Variants in GALNT9 observed in about 807,000 individuals in gnomAD.
GALNT9 encodes the protein polypeptide N-acetylgalactosaminyltransferase 9, also known as GalNAc transferase 9.
A neutral mutation model predicts 63.1 loss-of-function variants in GALNT9; 47 were observed. The ratio of observed to expected loss-of-function variants is 0.75; its 90% CI spans 0.59 to 0.95. GALNT9 has a LOEUF of 0.95. GALNT9 is among the 40% of genes least tolerant of loss of function. The pLI is 0.00. For missense variants in GALNT9, 829 were observed against 874.8 expected, an observed-to-expected ratio of 0.95 and a Z score of 0.66; for synonymous variants, 396 against 365.7, an observed-to-expected ratio of 1.08 and a Z score of -0.94.
rs1878706278 is a variant in GALNT9 at position 132,246,346 on chromosome 12, C to G, written c.1077+1564G>C. 1.3e-5 allele frequency among the ~76,000 whole-genome samples: 2 copies of G among 152,142 alleles called. No individual in the cohort carries two copies. Among genetic ancestry groups the G allele is most frequent in the South Asian group, 4.1e-4 (2 of 4,830 alleles). On this transcript the variant is annotated intron_variant, in intron 6 of 10. Coordinates refer to ENST00000328957, the MANE Select transcript of GALNT9 (RefSeq NM_001122636.2). This position sits in a 1 kb window ranked among gnomAD's most constrained non-coding sequence, Gnocchi z 4.7. ...CTGACATCCTTCACAGATCTGGTCTCAATTCAATTTATTAAACTAGATATT... is the reference window on the plus strand; with the variant it reads ...CTGACATCCTTCACAGATCTGGTCTGAATTCAATTTATTAAACTAGATATT...
At chr12:132,240,205 G>A (rs1004558412) in intron 6 of GALNT9, among the ~76,000 whole-genome samples, 2 of 152,172 alleles carry the variant, frequency 1.3e-5, no homozygotes, top group African/African-American at 4.8e-5. Flanking sequence ...CTAAATGGCG[G>A]GGTTGAGTGG....
chr12:132,197,057 C>T lies in GALNT9; in HGVS notation c.*50G>A. The T allele has an allele frequency of 1.2e-6, 2 of 1,602,058 alleles. No individual in the cohort carries two copies. The highest frequency in any genetic ancestry group is 2.2e-5 in the East Asian group (1 of 44,708). On this transcript the variant is annotated 3_prime_UTR_variant, in exon 11 of 11. Coordinates refer to ENST00000328957, the MANE Select transcript of GALNT9 (RefSeq NM_001122636.2). ...CACCCCGGTCACTCAGCCACACTGG[C>T]TCGGCCCAGCGCCTTCCCGAGGTCT...
chr12:132,296,221 CT>C lies in GALNT9; in HGVS notation c.239-9792del, dbSNP rs1881072908. 6.6e-6 allele frequency among the ~76,000 whole-genome samples: 1 copy of C among 152,280 alleles called. No homozygotes were observed. Among genetic ancestry groups the C allele is most frequent in the Admixed American group, 6.5e-5 (1 of 15,290 alleles). On this transcript the variant is annotated intron_variant, in intron 1 of 10. Coordinates refer to ENST00000328957, the MANE Select transcript of GALNT9 (RefSeq NM_001122636.2). This position sits in a 1 kb window ranked among gnomAD's most constrained non-coding sequence, Gnocchi z 4.2. ...AGGGAGAGTGTCCGTTTCTGTTGGTCTAAGCCACGCAGTCTGTGGTGATCTG... is the reference window on the plus strand; with the variant it reads ...AGGGAGAGTGTCCGTTTCTGTTGGTCAAGCCACGCAGTCTGTGGTGATCTG...
At chr12:132,210,763 A>G (rs1333684298) in intron 6 of GALNT9, among the ~76,000 whole-genome samples, 3 of 151,870 alleles carry the variant, frequency 2.0e-5, no homozygotes, top group Non-Finnish European at 4.4e-5. Flanking sequence ...CTTGCACCAA[A>G]AAAGGGCTTG....
chr12:132,201,021 C>T (rs7953158), intron 8 of GALNT9, 103 bp downstream of exon 8: 683,102 of 1,143,438 alleles, frequency 0.6, 207,454 homozygotes, highest in Non-Finnish European at 0.63. Context: ...GCTACCTCTC[C>T]GTGTGCATGT....
In GALNT9 at chr12:132,307,069, C is replaced by G. The variant is rs573895989; in HGVS notation, c.239-20639G>C. Among the ~76,000 whole-genome samples the G allele has an allele frequency of 4.8e-4, 73 of 152,156 alleles. 1 individual carries two copies. Among genetic ancestry groups the G allele is most frequent in the Non-Finnish European group, 9.9e-4 (67 of 68,014 alleles). Reference sequence around the variant, plus strand: ...TGTGCCCGCTTCCCAGCCACCTCCTCTCGATGGACCCTGAGGAGAGCAGTC... The same window carrying G: ...TGTGCCCGCTTCCCAGCCACCTCCTGTCGATGGACCCTGAGGAGAGCAGTC... On this transcript the variant is annotated intron_variant, in intron 1 of 10. Coordinates refer to ENST00000328957, the MANE Select transcript of GALNT9 (RefSeq NM_001122636.2).
chr12:132,293,620 T>C (rs1385061053), intron 1 of GALNT9, among the ~76,000 whole-genome samples: 1 of 152,238 alleles, frequency 6.6e-6, no homozygotes, highest in Non-Finnish European at 1.5e-5. Context: ...GTAGACAACG[T>C]GCCACTTAAG....
intron 6 of GALNT9, among the ~76,000 whole-genome samples, chr12:132,206,620 C>G (rs982196854): frequency 6.8e-6 from 1 of 147,488 alleles, no homozygotes; most frequent in African/African-American, 2.5e-5. Flanking sequence ...GCACTGCAGC[C>G]TGGGCGACAG....
intron 1 of GALNT9, among the ~76,000 whole-genome samples, chr12:132,311,466 TC>T (rs1881810282): frequency 6.6e-6 from 1 of 152,038 alleles, no homozygotes; most frequent in South Asian, 2.1e-4. Flanking sequence ...CAAACAACCC[TC>T]TCCAGAGGGG....
intron 2 of GALNT9, among the ~76,000 whole-genome samples, chr12:132,269,585 GA>G (rs1566006993): frequency 6.6e-6 from 1 of 152,242 alleles, no homozygotes; most frequent in East Asian, 1.9e-4. Flanking sequence ...TGGGGCATAG[GA>G]AGCTGGGCCC....
At chr12:132,325,520 C>T (rs1391150110) in intron 1 of GALNT9, among the ~76,000 whole-genome samples, 1 of 152,226 alleles carries the variant, frequency 6.6e-6, no homozygotes, top group Non-Finnish European at 1.5e-5. Flanking sequence ...AATGAGCGTG[C>T]ACCACACTCC....
Position 132,282,961 on chromosome 12 carries a change from A to G in GALNT9, c.419+3289T>C, listed in dbSNP as rs782354566. ...ATGGGGCGAGGATGGGACCCGAGAG[A>G]CCCTCGCCCCACCCTGCACTGGCTC... On this transcript the variant is annotated intron_variant, in intron 2 of 10. Coordinates refer to ENST00000328957, the MANE Select transcript of GALNT9 (RefSeq NM_001122636.2). This position sits in a 1 kb window ranked among gnomAD's most constrained non-coding sequence, Gnocchi z 4.5. The G allele has an allele frequency of 6.6e-6, 1 of 151,132 alleles. No homozygotes were observed. Among genetic ancestry groups the G allele is most frequent in the Non-Finnish European group, 1.5e-5 (1 of 67,814 alleles). The allele number at this position is 151,132 out of a possible 1,614,324, so 9.4% of individuals were successfully genotyped here.
intron 5 of GALNT9, among the ~76,000 whole-genome samples, chr12:132,249,311 C>T (rs952289056): frequency 6.6e-5 from 10 of 152,212 alleles, no homozygotes; most frequent in Non-Finnish European, 1.5e-5. Flanking sequence ...TCCTCCTCTG[C>T]GTATCAACGC....
intron 6 of GALNT9, among the ~76,000 whole-genome samples, chr12:132,204,753 C>G (rs1876537199): frequency 6.6e-6 from 1 of 152,142 alleles, no homozygotes; most frequent in African/African-American, 2.4e-5. Context: ...CTATCCTGTG[C>G]TGTCCCATCC....
chr12:132,262,510 G>T lies in GALNT9; in HGVS notation c.535C>A (p.Pro179Thr). 8 of 1,551,418 alleles carry T rather than the reference G, an allele frequency of 5.2e-6. No individual in the cohort carries two copies. The highest frequency in any genetic ancestry group is 7.0e-6 in the Non-Finnish European group (8 of 1,146,896). Residue 179 changes from proline (P) to threonine (T), a missense_variant, in exon 3 of 11, where the codon CCC becomes ACC. By Grantham distance (38) the Pro-to-Thr change is conservative. Coordinates refer to ENST00000328957, the MANE Select transcript of GALNT9 (RefSeq NM_001122636.2). ...RSVHSVVNHT[P>T]SQLLKEVILV... ...ATGACCTCCTTGAGGAGCTGGGAGG[G>T]CGTGTGGTTGACCACGCTGTGCACG...
intron 1 of GALNT9, among the ~76,000 whole-genome samples, chr12:132,325,802 A>G (rs926130070): frequency 1.3e-5 from 2 of 152,194 alleles, no homozygotes; most frequent in Non-Finnish European, 2.9e-5. Flanking sequence ...CTCACAACCA[A>G]CCAACAAAAG....
At chr12:132,272,783 A>G (rs1300344449) in intron 2 of GALNT9, 2 of 152,270 alleles carry the variant, frequency 1.3e-5, no homozygotes, top group African/African-American at 4.8e-5. Flanking sequence ...GCCTGTGCCC[A>G]ACGCTCAGTC....
intron 9 of GALNT9, among the ~76,000 whole-genome samples, chr12:132,198,557 C>T (rs1387906704): frequency 6.7e-6 from 1 of 150,364 alleles, no homozygotes; most frequent in East Asian, 2.0e-4. Flanking sequence ...CCACACTTCG[C>T]TTCAATCACG....
At chr12:132,227,701 A>G (rs1421866588) in intron 6 of GALNT9, among the ~76,000 whole-genome samples, 1 of 152,186 alleles carries the variant, frequency 6.6e-6, no homozygotes, top group African/African-American at 2.4e-5. Flanking sequence ...TAATCCTGAA[A>G]GAGCCCCAGG....
Sources: allele counts gnomAD v4.1 joint callset (sites outside exome capture counted in the v4.1 genomes callset), GRCh38; gene constraint gnomAD v4.1.1; non-coding constraint Gnocchi (gnomAD v3.1); transcripts MANE v1.5; gene names NCBI Gene and HGNC (gene_info 2026-07-23, HGNC 2026-07-21).